CNTNAP2: variants seen among roughly 807,000 people sequenced by gnomAD.
CNTNAP2 encodes the protein contactin associated protein 2.
A neutral mutation model predicts 155.2 loss-of-function variants in CNTNAP2; 98 were observed. That is an observed-to-expected ratio of 0.63 (90% CI 0.54 to 0.75). The LOEUF is 0.75. Ranked by LOEUF, CNTNAP2 falls within the 30% of genes least tolerant of loss-of-function variation. The pLI, the probability that CNTNAP2 is intolerant of heterozygous loss-of-function variation, is 0.00. For synonymous variants in CNTNAP2, 651 were observed against 631.2 expected (o/e 1.03, Z -0.47); for missense variants, 1,727 against 1,688.1 (o/e 1.02, Z -0.40).
At chr7:147,531,302 T>G (rs960144927) in intron 11 of CNTNAP2, among the ~76,000 whole-genome samples, 1 of 152,168 alleles carries the variant, frequency 6.6e-6, no homozygotes, top group African/African-American at 2.4e-5. Flanking sequence ...GTGTGGGGAC[T>G]CCAACCCCAC....
intron 22 of CNTNAP2, chr7:148,389,770 T>TG (rs1252491036): frequency 6.6e-6 from 1 of 152,164 alleles, no homozygotes; most frequent in African/African-American, 2.4e-5. Flanking sequence ...TGGCTCTTGG[T>TG]GGTGCTTCTC....
At chr7:147,981,919 G>C (rs17432209) in intron 15 of CNTNAP2, among the ~76,000 whole-genome samples, 1 of 151,178 alleles carries the variant, frequency 6.6e-6, no homozygotes. Flanking sequence ...ATGGTTCGCT[G>C]AAATAAAAAG....
At chr7:146,478,560 T>C (rs1796913304) in intron 1 of CNTNAP2, among the ~76,000 whole-genome samples, 1 of 151,822 alleles carries the variant, frequency 6.6e-6, no homozygotes, top group Admixed American at 6.6e-5. Flanking sequence ...TTTTAAATTC[T>C]CCGCACCATT....
intron 1 of CNTNAP2, among the ~76,000 whole-genome samples, chr7:146,162,239 G>C (rs1169547058): frequency 6.6e-6 from 1 of 152,120 alleles, no homozygotes; most frequent in East Asian, 1.9e-4. Context: ...TACAGAATGG[G>C]AGAAAATTTA....
intron 13 of CNTNAP2, among the ~76,000 whole-genome samples, chr7:147,745,516 A>G (rs1797023901): frequency 6.6e-6 from 1 of 152,220 alleles, no homozygotes; most frequent in Non-Finnish European, 1.5e-5. Flanking sequence ...CAGAAGACTG[A>G]ATTCTCCTTT....
At chr7:146,634,674 G>A (rs928037147) in intron 1 of CNTNAP2, among the ~76,000 whole-genome samples, 1 of 152,178 alleles carries the variant, frequency 6.6e-6, no homozygotes, top group Non-Finnish European at 1.5e-5. Context: ...CAGTCATGCA[G>A]TGTTGATGAC....
chr7:147,915,548 G>C (rs1800143716), intron 14 of CNTNAP2, among the ~76,000 whole-genome samples: 1 of 152,076 alleles, frequency 6.6e-6, no homozygotes. Flanking sequence ...GTGTGCATGT[G>C]CTTGTCTGTG....
In CNTNAP2 at chr7:147,655,735, A is replaced by T. The variant is rs986637806; in HGVS notation, c.2098+16429A>T. On this transcript the variant is annotated intron_variant, in intron 13 of 23. Transcript: ENST00000361727. ...CAGTGTAGAGTTAACAGAACTCTTA[A>T]GGATCCTAGGATTTTTGCAAAAGTA... 3.2e-4 allele frequency among the ~76,000 whole-genome samples: 49 copies of T among 152,314 alleles called. 1 individual carries two copies. The highest frequency in any genetic ancestry group is 2.4e-4 in the Non-Finnish European group (16 of 68,024).
intron 13 of CNTNAP2, among the ~76,000 whole-genome samples, chr7:147,816,943 T>G (rs1234383631): frequency 6.6e-6 from 1 of 152,200 alleles, no homozygotes; most frequent in African/African-American, 2.4e-5. Flanking sequence ...CTTAAGATAA[T>G]GTAACATAAA....
rs749738504 is a variant in CNTNAP2, at chr7:148,251,141, G to A, written c.3382-15892G>A. Among the ~76,000 whole-genome samples the A allele has an allele frequency of 5.9e-5, 9 of 152,154 alleles. No homozygotes were observed. The South Asian group carries it at 6.2e-4, about 11-fold the overall frequency. On this transcript the variant is annotated intron_variant, in intron 20 of 23. Transcript: ENST00000361727. ...CAGTCCTCCACAAGACTGGTCTCAC[G>A]TCAAACCCCAGCTGCAAGCCCAGGG...
In CNTNAP2 at chr7:146,574,230, G is replaced by A. The variant is rs563421864; in HGVS notation, c.98-200041G>A. Among the ~76,000 whole-genome samples, 51 of 151,896 alleles carry A rather than the reference G, an allele frequency of 3.4e-4. No homozygotes were observed. In the East Asian group the frequency reaches 8.3e-3, roughly 25 times the overall value. ...AAACAAAACAAAACAAAAATAACAC[G>A]CATTTTTCTTCATAGAATTCTGTGA... On this transcript the variant is annotated intron_variant, in intron 1 of 23. Coordinates refer to ENST00000361727, the MANE Select transcript of CNTNAP2 (RefSeq NM_014141.6).
rs982331836 is a variant in CNTNAP2, at chr7:146,416,385, G to A, written c.97+299412G>A. Among the ~76,000 whole-genome samples the A allele has an allele frequency of 5.3e-5, 8 of 151,806 alleles. No individual in the cohort carries two copies. The East Asian group carries it at 5.8e-4, about 11-fold the overall frequency. ...TCCGACCTGGGTCAGTTTGCCTCTC[G>A]TTTGCAACCACATTACACACAGCTC... On this transcript the variant is annotated intron_variant, in intron 1 of 23. Transcript: ENST00000361727.
At chr7:148,164,793 G>A (rs546998998) in intron 17 of CNTNAP2, among the ~76,000 whole-genome samples, 1 of 147,026 alleles carries the variant, frequency 6.8e-6, no homozygotes, top group Admixed American at 6.9e-5. Context: ...GCTAATTTTT[G>A]TATTTTTTTA....
intron 1 of CNTNAP2, among the ~76,000 whole-genome samples, chr7:146,582,931 C>A (rs193176913): frequency 6.8e-6 from 1 of 148,130 alleles, no homozygotes. Flanking sequence ...TAAATATAGC[C>A]GTATTAATAT....
intron 1 of CNTNAP2, among the ~76,000 whole-genome samples, chr7:146,365,327 C>G (rs1317583338): frequency 4.6e-5 from 7 of 152,164 alleles, no homozygotes; most frequent in Non-Finnish European, 1.0e-4. Context: ...AGCCCCTGTT[C>G]CTCAAAATGG....
At chr7:147,973,844 C>G (rs1430474043) in intron 14 of CNTNAP2, among the ~76,000 whole-genome samples, 1 of 152,108 alleles carries the variant, frequency 6.6e-6, no homozygotes, top group Non-Finnish European at 1.5e-5. Flanking sequence ...CTTTGTCTAG[C>G]TAAATTCTCT....
At chr7:147,447,985 G>A (rs1325374553) in intron 10 of CNTNAP2, among the ~76,000 whole-genome samples, 1 of 151,958 alleles carries the variant, frequency 6.6e-6, no homozygotes, top group East Asian at 1.9e-4. Flanking sequence ...TGTGTTGGAG[G>A]CCCTCTCAAT....
chr7:147,899,523 A>G (rs1308859162), intron 13 of CNTNAP2, among the ~76,000 whole-genome samples: 1 of 152,172 alleles, frequency 6.6e-6, no homozygotes, highest in Non-Finnish European at 1.5e-5. Flanking sequence ...GGACACTTTA[A>G]AAGTTGTCAA....
intron 13 of CNTNAP2, among the ~76,000 whole-genome samples, chr7:147,708,171 T>C (rs1044268288): frequency 6.6e-6 from 1 of 152,138 alleles, no homozygotes; most frequent in Non-Finnish European, 1.5e-5. Flanking sequence ...AGCAGCTGTA[T>C]ACATGTGTTT....
Sources: allele counts gnomAD v4.1 joint callset (sites outside exome capture counted in the v4.1 genomes callset), GRCh38; gene constraint gnomAD v4.1.1; transcripts MANE v1.5; gene names NCBI Gene and HGNC (gene_info 2026-07-23, HGNC 2026-07-21).